The following ARHGAP15 variants were observed in gnomAD, a reference collection of about 807,000 sequenced individuals.
ARHGAP15 encodes rho GTPase-activating protein 15.
A neutral mutation model predicts 63.7 loss-of-function variants in ARHGAP15; 51 were observed. The ratio of observed to expected loss-of-function variants is 0.80; its 90% CI spans 0.64 to 1.01. The LOEUF (loss-of-function observed/expected upper bound fraction) is 1.01. Among genes scored for constraint, ARHGAP15 ranks in the 50% least tolerant of loss-of-function variants. ARHGAP15 has a pLI of 0.00. For missense variants in ARHGAP15, 560 were observed against 564.6 expected, an observed-to-expected ratio of 0.99 and a Z score of 0.08; for synonymous variants, 191 against 193.8, an observed-to-expected ratio of 0.99 and a Z score of 0.12.
intron 9 of ARHGAP15, chr2:143,518,773 G>A (rs1464901769): frequency 6.5e-6 from 1 of 152,916 alleles, no homozygotes; most frequent in Non-Finnish European, 1.5e-5. Context: ...CAAGGCAGGA[G>A]AAATGCTAAG....
At chr2:143,560,691 G>T (rs1480492174) in intron 11 of ARHGAP15, among the ~76,000 whole-genome samples, 1 of 152,156 alleles carries the variant, frequency 6.6e-6, no homozygotes, top group African/African-American at 2.4e-5. Context: ...TGCTAAAATT[G>T]TTCAAGAGCT....
At chr2:143,661,434 A>G (rs889518204) in intron 12 of ARHGAP15, among the ~76,000 whole-genome samples, 1 of 152,168 alleles carries the variant, frequency 6.6e-6, no homozygotes, top group South Asian at 2.1e-4. Flanking sequence ...ATTAATGTCA[A>G]TTATGAATAG....
At chr2:143,290,303 A>G (rs1478288865) in intron 6 of ARHGAP15, among the ~76,000 whole-genome samples, 3 of 152,168 alleles carry the variant, frequency 2.0e-5, no homozygotes, top group Non-Finnish European at 4.4e-5. Flanking sequence ...ACATTAAAGT[A>G]GGAAACACAG....
At chr2:143,690,467 C>T (rs1457723832) in intron 12 of ARHGAP15, among the ~76,000 whole-genome samples, 1 of 152,134 alleles carries the variant, frequency 6.6e-6, no homozygotes, top group Non-Finnish European at 1.5e-5. Flanking sequence ...TTTACAGTTG[C>T]TGTTGCGTCT....
intron 12 of ARHGAP15, among the ~76,000 whole-genome samples, chr2:143,677,543 GCTCA>G (rs1391854378): frequency 6.6e-6 from 1 of 152,136 alleles, no homozygotes; most frequent in Admixed American, 6.5e-5. Context: ...GCTAAACTCT[GCTCA>G]CTATCTCTGC....
At chr2:143,384,651 T>G (rs1687196121) in intron 6 of ARHGAP15, among the ~76,000 whole-genome samples, 1 of 152,148 alleles carries the variant, frequency 6.6e-6, no homozygotes, top group African/African-American at 2.4e-5. Context: ...ATTTGGATAT[T>G]CAAAATAGCT....
chr2:143,506,244 T>C (rs1469858318), intron 9 of ARHGAP15, among the ~76,000 whole-genome samples: 1 of 152,192 alleles, frequency 6.6e-6, no homozygotes, highest in Non-Finnish European at 1.5e-5. Flanking sequence ...AATCACTGAA[T>C]GACACTTCCA....
At chr2:143,566,961 T>C (rs559902867) in intron 11 of ARHGAP15, among the ~76,000 whole-genome samples, 88 of 152,040 alleles carry the variant, frequency 5.8e-4, no homozygotes, top group African/African-American at 1.9e-3. Flanking sequence ...CTGCAAGCTC[T>C]GCCTCCCGGG....
chr2:143,180,817 G>GCGCC (rs1040489035), intron 2 of ARHGAP15, among the ~76,000 whole-genome samples: 1 of 152,012 alleles, frequency 6.6e-6, no homozygotes, highest in African/African-American at 2.4e-5. Context: ...GGGACTACAG[G>GCGCC]CGCCCACCAA....
chr2:143,247,048 C>A (rs909548687), intron 5 of ARHGAP15, among the ~76,000 whole-genome samples: 10 of 152,166 alleles, frequency 6.6e-5, no homozygotes, highest in African/African-American at 2.4e-4. Flanking sequence ...TGGAATGACC[C>A]TCTATGGCAG....
intron 12 of ARHGAP15, among the ~76,000 whole-genome samples, chr2:143,643,426 C>CA (rs1680706296): frequency 1.4e-5 from 1 of 70,454 alleles, no homozygotes; most frequent in South Asian, 5.8e-4. Context: ...CCCCTCCACC[C>CA]ACCCCCCCCC....
At chr2:143,331,051 G>A (rs978279769) in intron 6 of ARHGAP15, among the ~76,000 whole-genome samples, 1 of 152,072 alleles carries the variant, frequency 6.6e-6, no homozygotes, top group Non-Finnish European at 1.5e-5. Context: ...AGCTTCAAAA[G>A]GACAGAAGTC....
chr2:143,292,997 G>A (rs1682475154), intron 6 of ARHGAP15, among the ~76,000 whole-genome samples: 1 of 151,986 alleles, frequency 6.6e-6, no homozygotes, highest in East Asian at 1.9e-4. Flanking sequence ...TTAGCACTTA[G>A]ATTTCACTTA....
chr2:143,192,251 C>T (rs1321922625), intron 2 of ARHGAP15, among the ~76,000 whole-genome samples: 1 of 152,216 alleles, frequency 6.6e-6, no homozygotes, highest in African/African-American at 2.4e-5. Flanking sequence ...TCCTTTGGAA[C>T]TTGGACTGGA....
At chr2:143,202,476 G>C (rs1692159233) in intron 3 of ARHGAP15, among the ~76,000 whole-genome samples, 1 of 152,042 alleles carries the variant, frequency 6.6e-6, no homozygotes, top group Non-Finnish European at 1.5e-5. Context: ...TTCCAGGAAT[G>C]TTGGCCAAAG....
At chr2:143,590,925 TTAA>T (rs1007977194) in intron 11 of ARHGAP15, among the ~76,000 whole-genome samples, 1 of 140,640 alleles carries the variant, frequency 7.1e-6, no homozygotes, top group African/African-American at 2.5e-5. Context: ...GACTTAGTAA[TTAA>T]TACATGTATC....
At chr2:143,283,659 ACTT>A (rs1180930416) in intron 6 of ARHGAP15, among the ~76,000 whole-genome samples, 5 of 152,148 alleles carry the variant, frequency 3.3e-5, no homozygotes, top group Admixed American at 6.5e-5. Context: ...TTAAGGCTTT[ACTT>A]CTTCAACATT....
chr2:143,143,369 T>A (rs1280993259), intron 1 of ARHGAP15, among the ~76,000 whole-genome samples: 3 of 152,058 alleles, frequency 2.0e-5, no homozygotes, highest in African/African-American at 7.2e-5. Flanking sequence ...TAGTATATTG[T>A]ATCTCTTATC....
chr2:143,324,329 G>A (rs945595073), intron 6 of ARHGAP15, among the ~76,000 whole-genome samples: 1 of 152,052 alleles, frequency 6.6e-6, no homozygotes, highest in Non-Finnish European at 1.5e-5. Context: ...TATGTGGACT[G>A]GAAAAATAGT....
Sources: gnomAD v4.1 joint callset for allele counts (sites outside exome capture counted in the v4.1 genomes callset) on GRCh38, gnomAD v4.1.1 for gene constraint, MANE v1.5 for transcripts, NCBI Gene and HGNC (gene_info 2026-07-23, HGNC 2026-07-21) for gene names.